The following MYOZ3 variants were observed in gnomAD, a reference collection of about 807,000 sequenced individuals.
MYOZ3 encodes myozenin 3.
MYOZ3 carries 19 observed loss-of-function variants against 26.5 expected under a neutral mutation model. That is an observed-to-expected ratio of 0.72 (90% CI 0.50 to 1.05). MYOZ3 has a LOEUF of 1.05. Among genes scored for constraint, MYOZ3 ranks in the 50% least tolerant of loss-of-function variants. The pLI is 0.00. For synonymous variants in MYOZ3, 135 were observed against 138.8 expected, an observed-to-expected ratio of 0.97 and a Z score of 0.19; for missense variants, 322 against 337.1, an observed-to-expected ratio of 0.96 and a Z score of 0.35.
chr5:150,677,102 C>A lies in MYOZ3; in HGVS notation c.*227C>A. The A allele has an allele frequency of 4.0e-6, 2 of 498,284 alleles. No individual in the cohort carries two copies. Among genetic ancestry groups the A allele is most frequent in the Non-Finnish European group, 3.6e-6 (1 of 277,914 alleles). 30.9% of individuals were successfully genotyped at this position (498,284 alleles called of 1,614,324 possible). On this transcript the variant is annotated 3_prime_UTR_variant, in exon 7 of 7. Coordinates refer to ENST00000517768, the MANE Select transcript of MYOZ3 (RefSeq NM_001122853.3). ...CAACTGGACTGTCCCAGACTTGCAGCATCAGAGTCTCCTGAGTCGAGGAAT... is the reference window on the plus strand; with the variant it reads ...CAACTGGACTGTCCCAGACTTGCAGAATCAGAGTCTCCTGAGTCGAGGAAT...
chr5:150,665,122 G>C (rs1418806460), intron 2 of MYOZ3, among the ~76,000 whole-genome samples: 1 of 151,728 alleles, frequency 6.6e-6, no homozygotes, highest in African/African-American at 2.4e-5. Flanking sequence ...CGTCATGTGT[G>C]TTTAACCATC....
At chr5:150,672,582 C>T in intron 6 of MYOZ3, 80 bp downstream of exon 6, 1 of 1,471,168 alleles carries the variant, frequency 6.8e-7, no homozygotes, top group Non-Finnish European at 9.1e-7. Flanking sequence ...GCCTGCGTTT[C>T]CTGAGCACTT....
chr5:150,678,190 A>G lies in MYOZ3; in HGVS notation c.*1315A>G, dbSNP rs11956786. The G allele has an allele frequency of 0.087, 13,183 of 152,384 alleles. 1,781 individuals are homozygous for G. Among genetic ancestry groups the G allele is most frequent in the African/African-American group, 0.29 (11,856 of 41,434 alleles). The allele number at this position is 152,384 out of a possible 1,614,324, so 9.4% of individuals were successfully genotyped here. ...TGGGAATGGAGAGAAGGGGCCACCC[A>G]CTGGGCACCTAACAGGACAGGTGCA... On this transcript the variant is annotated 3_prime_UTR_variant, in exon 7 of 7. Coordinates refer to ENST00000517768, the MANE Select transcript of MYOZ3 (RefSeq NM_001122853.3).
rs1421053547 is a variant in MYOZ3, at chr5:150,679,134, C to T, written c.*2259C>T. 1.3e-5 allele frequency: 2 copies of T among 152,242 alleles called. No individual in the cohort carries two copies. The highest frequency in any genetic ancestry group is 4.8e-5 in the African/African-American group (2 of 41,420). The allele number at this position is 152,242 out of a possible 1,614,324, so 9.4% of individuals were successfully genotyped here. A position where few individuals can be genotyped will look rare whatever the true frequency, so the allele number is the denominator to read the frequency against. Reference sequence around the variant, plus strand: ...AGCCAGGTTTCCATGAGCTGAAGACCAGCCATTCAAGAATCTGAAAAGTAG... The same window carrying T: ...AGCCAGGTTTCCATGAGCTGAAGACTAGCCATTCAAGAATCTGAAAAGTAG... On this transcript the variant is annotated 3_prime_UTR_variant, in exon 7 of 7. Coordinates refer to ENST00000517768, the MANE Select transcript of MYOZ3 (RefSeq NM_001122853.3).
rs1343792002 is a variant in MYOZ3 at position 150,679,058 on chromosome 5, A to C, written c.*2183A>C. The C allele has an allele frequency of 6.6e-6, 1 of 152,374 alleles. No individual in the cohort carries two copies. Among genetic ancestry groups the C allele is most frequent in the Non-Finnish European group, 1.5e-5 (1 of 68,040 alleles). The allele number at this position is 152,374 out of a possible 1,614,324, so 9.4% of individuals were successfully genotyped here. The stretch of plus-strand genomic sequence containing the variant: ...CCAAGGGCCCAATGGCCTGACTTTT[A>C]GAATTGCTTGCAATTGGTGTTTTCT... On this transcript the variant is annotated 3_prime_UTR_variant, in exon 7 of 7. Coordinates refer to ENST00000517768, the MANE Select transcript of MYOZ3 (RefSeq NM_001122853.3).
At chr5:150,666,385 G>A (rs954436646) in intron 2 of MYOZ3, among the ~76,000 whole-genome samples, 6 of 151,740 alleles carry the variant, frequency 4.0e-5, no homozygotes, top group African/African-American at 1.2e-4. Flanking sequence ...AGGCTGAGGC[G>A]GGCAGATCAC....
chr5:150,660,891 AGAAAG>A (rs1234876346), upstream of MYOZ3: 5 of 152,284 alleles, frequency 3.3e-5, no homozygotes, highest in African/African-American at 9.6e-5. Flanking sequence ...GCAGGAGAGA[AGAAAG>A]GAAGGAAGAA....
At chr5:150,670,740 C>T (rs1758892822) in intron 3 of MYOZ3, 102 bp downstream of exon 3, 1 of 1,168,352 alleles carries the variant, frequency 8.6e-7, no homozygotes, top group East Asian at 2.6e-5. Context: ...CTGTGATGTT[C>T]CCATCAGATT....
chr5:150,670,164 G>T (rs1243595682), intron 2 of MYOZ3: 2 of 194,982 alleles, frequency 1.0e-5, no homozygotes, highest in Non-Finnish European at 2.1e-5. Context: ...AAAAAATATC[G>T]AGAATCTGAC....
Position 150,676,923 on chromosome 5 carries a change from C to T in MYOZ3, c.*48C>T. On this transcript the variant is annotated 3_prime_UTR_variant, in exon 7 of 7. Coordinates refer to ENST00000517768, the MANE Select transcript of MYOZ3 (RefSeq NM_001122853.3). ...CCCAGTCTCGGGGGCCTGGTAACAT[C>T]CGGAGCCAAGACTTGTGGACAGCAC... 6.4e-7 allele frequency: 1 copy of T among 1,564,676 alleles called. No homozygotes were observed. The highest frequency in any genetic ancestry group is 2.3e-5 in the East Asian group (1 of 44,332).
At chr5:150,669,633 CTTTTTTTT>C (rs532402882) in intron 2 of MYOZ3, among the ~76,000 whole-genome samples, 1 of 47,750 alleles carries the variant, frequency 2.1e-5, no homozygotes, top group Non-Finnish European at 4.8e-5. Flanking sequence ...CCCATATATG[CTTTTTTTT>C]TTTTTTTTTT....
At chr5:150,667,188 C>T (rs1758823869) in intron 2 of MYOZ3, among the ~76,000 whole-genome samples, 1 of 152,182 alleles carries the variant, frequency 6.6e-6, no homozygotes, top group Admixed American at 6.5e-5. Context: ...TGAATCACAG[C>T]ACCCAAGTGA....
chr5:150,667,208 C>T (rs1216140215), intron 2 of MYOZ3, among the ~76,000 whole-genome samples: 4 of 152,212 alleles, frequency 2.6e-5, no homozygotes, highest in African/African-American at 9.6e-5. Context: ...ACCCCCAGTA[C>T]TGCCTGGTAG....
In MYOZ3 at chr5:150,672,327, C is replaced by G; in HGVS notation, c.425-13C>G. On this transcript the variant is annotated splice_polypyrimidine_tract_variant and intron_variant, in intron 5 of 6. Transcript: ENST00000517768. ...GGAAGAACGGAGGCGCTCCCTTCCC[C>G]CCGCGCCCCTAGGCTATGCGGAGCC... 1.3e-6 allele frequency: 2 copies of G among 1,589,300 alleles called. No homozygotes were observed. Among genetic ancestry groups the G allele is most frequent in the South Asian group, 2.3e-5 (2 of 87,632 alleles).
intron 6 of MYOZ3, among the ~76,000 whole-genome samples, chr5:150,675,360 A>G (rs1227144305): frequency 1.3e-5 from 2 of 149,868 alleles, no homozygotes; most frequent in African/African-American, 2.5e-5. Context: ...GCTGCTGTAT[A>G]GTTTTCTTTT....
At chr5:150,661,617 G>A (rs866599326) in intron 1 of MYOZ3, among the ~76,000 whole-genome samples, 190 bp downstream of exon 1, 2 of 152,200 alleles carry the variant, frequency 1.3e-5, no homozygotes, top group African/African-American at 2.4e-5. Context: ...TGCATTAAAT[G>A]GGGAGGGTGT....
At chr5:150,669,578 T>C (rs1758867652) in intron 2 of MYOZ3, among the ~76,000 whole-genome samples, 1 of 143,764 alleles carries the variant, frequency 7.0e-6, no homozygotes. Flanking sequence ...AATGGTATTT[T>C]TCTCTTTTTT....
intron 1 of MYOZ3, among the ~76,000 whole-genome samples, chr5:150,662,691 A>G (rs979213622): frequency 1.3e-5 from 2 of 152,174 alleles, no homozygotes; most frequent in Admixed American, 6.5e-5. Flanking sequence ...CCACCCCTGA[A>G]GAGACAGTGC....
At chr5:150,670,374 C>A in intron 2 of MYOZ3, 110 bp from the exon 3 acceptor site, 1 of 1,251,172 alleles carries the variant, frequency 8.0e-7, no homozygotes, top group Non-Finnish European at 1.0e-6. Flanking sequence ...TGTCGGCAAG[C>A]TTGGTGAGAA....
Sources: gnomAD v4.1 joint callset for allele counts (sites outside exome capture counted in the v4.1 genomes callset) on GRCh38, gnomAD v4.1.1 for gene constraint, MANE v1.5 for transcripts, NCBI Gene and HGNC (gene_info 2026-07-23, HGNC 2026-07-21) for gene names.